KIAA1549L: variants seen among roughly 807,000 people sequenced by gnomAD.
The protein encoded by KIAA1549L is UPF0606 protein KIAA1549L.
Under a neutral mutation model 160.7 loss-of-function variants are expected in KIAA1549L, and 88 were observed. The ratio of observed to expected loss-of-function variants is 0.55; its 90% CI spans 0.46 to 0.65. The LOEUF (loss-of-function observed/expected upper bound fraction) is 0.65, where lower values mean the gene tolerates loss of function less well. Among genes scored for constraint, KIAA1549L ranks in the 30% least tolerant of loss-of-function variants. The pLI, the probability that KIAA1549L is intolerant of heterozygous loss-of-function variation, is 0.00. For missense variants in KIAA1549L, 2,258 were observed against 2,437.5 expected (o/e 0.93, Z 1.55); for synonymous variants, 950 against 976.7 (o/e 0.97, Z 0.51).
At chr11:33,421,416 G>A (rs963708056) in intron 1 of KIAA1549L, among the ~76,000 whole-genome samples, 13 of 152,204 alleles carry the variant, frequency 8.5e-5, no homozygotes, top group Admixed American at 1.3e-4. Flanking sequence ...AGTGTGGGCC[G>A]TAGGCCAGCC....
rs1403401694 is a variant in KIAA1549L at position 33,542,826 on chromosome 11, C to G, written c.1263C>G (p.Phe421Leu). The change falls in exon 2 of 21, where the codon TTC becomes TTG. Residue 421 changes from phenylalanine to leucine, a missense_variant. Transcript: ENST00000658780. ...TATHEAEPPL[F>L]QTAESGAIEM... ...CCCATGAGGCTGAGCCTCCACTTTT[C>G]CAGACTGCAGAATCAGGGGCCATAG... The G allele has an allele frequency of 1.9e-6, 3 of 1,613,860 alleles. No homozygotes were observed. Among genetic ancestry groups the G allele is most frequent in the Non-Finnish European group, 2.5e-6 (3 of 1,179,862 alleles).
At chr11:33,439,349 T>C (rs1476954262) in intron 1 of KIAA1549L, among the ~76,000 whole-genome samples, 1 of 152,176 alleles carries the variant, frequency 6.6e-6, no homozygotes, top group Admixed American at 6.5e-5. Context: ...ACTGATCAGA[T>C]CAAGGTATTT....
At chr11:33,426,799 T>A (rs865847835) in intron 1 of KIAA1549L, among the ~76,000 whole-genome samples, 1 of 152,228 alleles carries the variant, frequency 6.6e-6, no homozygotes, top group Non-Finnish European at 1.5e-5. Flanking sequence ...ACAGCTGTGC[T>A]GATCTTTTCT....
intron 10 of KIAA1549L, among the ~76,000 whole-genome samples, chr11:33,577,568 CACT>C (rs1386852365): frequency 6.6e-6 from 1 of 152,086 alleles, no homozygotes; most frequent in African/African-American, 2.4e-5. Context: ...GTACGGGGGA[CACT>C]TGGTGATGGA....
At chr11:33,479,993 T>G (rs1172569601) in intron 1 of KIAA1549L, among the ~76,000 whole-genome samples, 1 of 152,106 alleles carries the variant, frequency 6.6e-6, no homozygotes, top group Non-Finnish European at 1.5e-5. Flanking sequence ...CAAGTTAAAT[T>G]TGGCTTCAAG....
intron 1 of KIAA1549L, among the ~76,000 whole-genome samples, chr11:33,438,364 A>G (rs1686632650): frequency 6.6e-6 from 1 of 152,184 alleles, no homozygotes; most frequent in South Asian, 2.1e-4. Context: ...TTTTGTGCCT[A>G]GAGTATAATA....
chr11:33,444,049 A>G (rs1284637204), intron 1 of KIAA1549L, among the ~76,000 whole-genome samples: 1 of 152,210 alleles, frequency 6.6e-6, no homozygotes, highest in Non-Finnish European at 1.5e-5. Context: ...ATATTAAATT[A>G]GACAAGATCT....
At chr11:33,441,724 A>C (rs903557459) in intron 1 of KIAA1549L, among the ~76,000 whole-genome samples, 10 of 152,142 alleles carry the variant, frequency 6.6e-5, no homozygotes, top group Non-Finnish European at 1.3e-4. Context: ...TCGTCTTTTG[A>C]GAAGTGTCTG....
intron 1 of KIAA1549L, among the ~76,000 whole-genome samples, chr11:33,497,655 A>G (rs987092158): frequency 3.3e-5 from 5 of 152,150 alleles, no homozygotes; most frequent in Admixed American, 6.5e-5. Context: ...ATTTGTTCCT[A>G]TTTACATTAC....
At chr11:33,520,641 T>C in intron 1 of KIAA1549L, among the ~76,000 whole-genome samples, 1 of 146,406 alleles carries the variant, frequency 6.8e-6, no homozygotes, top group African/African-American at 2.6e-5. Flanking sequence ...GATTATCCAT[T>C]AGACCCAGAA....
chr11:33,547,528 A>G (rs1854305666), intron 3 of KIAA1549L, among the ~76,000 whole-genome samples: 1 of 152,204 alleles, frequency 6.6e-6, no homozygotes, highest in Non-Finnish European at 1.5e-5. Flanking sequence ...ATGAAACGCC[A>G]CCAGCATACC....
At chr11:33,421,925 G>T (rs1248899084) in intron 1 of KIAA1549L, among the ~76,000 whole-genome samples, 1 of 152,150 alleles carries the variant, frequency 6.6e-6, no homozygotes, top group Non-Finnish European at 1.5e-5. Flanking sequence ...TTGAGGTGGG[G>T]TTTGAGAATT....
intron 1 of KIAA1549L, among the ~76,000 whole-genome samples, chr11:33,397,768 A>T (rs1850414391): frequency 6.6e-6 from 1 of 151,522 alleles, no homozygotes. Flanking sequence ...AAGTGAAAAC[A>T]TTTTTTTCTA....
intron 1 of KIAA1549L, among the ~76,000 whole-genome samples, chr11:33,508,256 T>C (rs1853140078): frequency 6.6e-6 from 1 of 152,222 alleles, no homozygotes; most frequent in Non-Finnish European, 1.5e-5. Flanking sequence ...TTGGACTGGA[T>C]GTTGAGCAAG....
chr11:33,484,673 A>G (rs1387936001), intron 1 of KIAA1549L, among the ~76,000 whole-genome samples: 1 of 152,076 alleles, frequency 6.6e-6, no homozygotes, highest in African/African-American at 2.4e-5. Context: ...AGCTGTAGCT[A>G]TATTGTTAGC....
At chr11:33,438,037 G>GT (rs1159392037) in intron 1 of KIAA1549L, among the ~76,000 whole-genome samples, 5 of 152,150 alleles carry the variant, frequency 3.3e-5, no homozygotes, top group African/African-American at 4.8e-5. Context: ...TCACATCCCT[G>GT]TTTTTCCCAA....
Position 33,544,012 on chromosome 11 carries a change from G to A in KIAA1549L, c.2449G>A (p.Glu817Lys), listed in dbSNP as rs1854138337. The change falls in exon 2 of 21, where the codon GAA (glutamate) becomes AAA (lysine). Residue 817 changes from glutamate to lysine, a missense_variant. Glu to Lys is a moderately conservative substitution (Grantham distance 56, BLOSUM62 1). Transcript: ENST00000658780. ...CCATTCCAGAGACTTCCAAACAGCT[G>A]AAGTTGCATATTACTCACCCACAAC... ...NNHSRDFQTAEVAYYSPTTRH... is the reference protein window; with the variant it reads ...NNHSRDFQTAKVAYYSPTTRH... 2 of 1,613,874 alleles carry A rather than the reference G, an allele frequency of 1.2e-6. No individual in the cohort carries two copies. Among genetic ancestry groups the A allele is most frequent in the African/African-American group, 1.3e-5 (1 of 74,908 alleles).
At chr11:33,598,775 C>G (rs1590383346) in intron 12 of KIAA1549L, 45 bp from the exon 13 acceptor site, 5 of 1,610,816 alleles carry the variant, frequency 3.1e-6, no homozygotes, top group East Asian at 2.2e-5. Flanking sequence ...GGCGGCTGCT[C>G]TAGTTGAAAC....
intron 1 of KIAA1549L, among the ~76,000 whole-genome samples, chr11:33,420,105 G>A (rs1326830476): frequency 4.6e-5 from 7 of 151,818 alleles, no homozygotes; most frequent in East Asian, 1.9e-4. Flanking sequence ...ACTATTTGTG[G>A]TAAATATCCC....
Sources: allele counts gnomAD v4.1 joint callset (sites outside exome capture counted in the v4.1 genomes callset), GRCh38; gene constraint gnomAD v4.1.1; transcripts MANE v1.5; gene names NCBI Gene and HGNC (gene_info 2026-07-23, HGNC 2026-07-21).